Variants in EPS8 observed in about 807,000 individuals in gnomAD.
EPS8 encodes EGFR pathway substrate 8, signaling adaptor.
EPS8 carries 42 observed loss-of-function variants against 103.8 expected under a neutral mutation model. The ratio of observed to expected loss-of-function variants is 0.40; its 90% CI spans 0.32 to 0.52. The LOEUF (loss-of-function observed/expected upper bound fraction) is 0.52, where lower values mean the gene tolerates loss of function less well. Among genes scored for constraint, EPS8 ranks in the 20% least tolerant of loss-of-function variants. EPS8 has a pLI of 0.40. For synonymous variants in EPS8, 344 were observed against 344.6 expected (o/e 1.00, Z 0.02); for missense variants, 969 against 1,005.1 (o/e 0.96, Z 0.49).
rs1242595937 is a variant in EPS8 at position 15,690,989 on chromosome 12, A to G, written c.-21-8017T>C. On this transcript the variant is annotated intron_variant, in intron 1 of 20. Transcript: ENST00000281172. The surrounding 1 kb of genome is among the most constrained non-coding windows in gnomAD (Gnocchi z 4.7). ...CTACACTTGGCTGAATATAAAAAAA[A>G]CAAGCCAGATTGTCAGTAGGTAATC... Among the ~76,000 whole-genome samples the G allele has an allele frequency of 1.3e-5, 2 of 148,670 alleles. No homozygotes were observed. Among genetic ancestry groups the G allele is most frequent in the African/African-American group, 2.5e-5 (1 of 40,668 alleles).
chr12:15,703,030 T>A (rs1173654416), intron 1 of EPS8, among the ~76,000 whole-genome samples: 1 of 152,084 alleles, frequency 6.6e-6, no homozygotes, highest in Non-Finnish European at 1.5e-5. Context: ...GTGCCTGTAG[T>A]CCCAGCTACT....
intron 17 of EPS8, among the ~76,000 whole-genome samples, chr12:15,637,470 C>T (rs1945156013): frequency 6.6e-6 from 1 of 152,228 alleles, no homozygotes; most frequent in Middle Eastern, 3.4e-3. Context: ...TAGTTTCCTA[C>T]AAAAAAATGT....
chr12:15,648,199 C>G (rs914138842), intron 14 of EPS8, among the ~76,000 whole-genome samples: 1 of 152,176 alleles, frequency 6.6e-6, no homozygotes, highest in Non-Finnish European at 1.5e-5. Flanking sequence ...ATAGAGAATA[C>G]ATGCTCAGAT....
chr12:15,622,593 A>G (rs577659682), intron 20 of EPS8, among the ~76,000 whole-genome samples: 1 of 152,276 alleles, frequency 6.6e-6, no homozygotes, highest in Non-Finnish European at 1.5e-5. Context: ...TGGAAGCTTA[A>G]GTATAAAGCA....
chr12:15,661,832 T>C (rs1945610623), intron 9 of EPS8, among the ~76,000 whole-genome samples, 194 bp downstream of exon 9: 1 of 152,184 alleles, frequency 6.6e-6, no homozygotes, highest in Admixed American at 6.5e-5. Context: ...ACTAACTAAA[T>C]ATTGGCATAA....
At chr12:15,628,525 A>G (rs189598413) in intron 18 of EPS8, among the ~76,000 whole-genome samples, 84 of 152,376 alleles carry the variant, frequency 5.5e-4, no homozygotes, top group African/African-American at 1.8e-3. Flanking sequence ...TGGGAGAAAT[A>G]CAAAGCAACT....
intron 3 of EPS8, among the ~76,000 whole-genome samples, chr12:15,674,078 A>T (rs1945861671): frequency 1.3e-5 from 2 of 152,198 alleles, no homozygotes; most frequent in South Asian, 4.1e-4. Context: ...AGAAATACTA[A>T]ATTTAGGTTT....
chr12:15,621,090 G>A lies in EPS8; in HGVS notation c.*227C>T, dbSNP rs1944854418. ...AGGAAACTTCACCTTGGTAAAGTAA[G>A]AAAAATATTTTCCAAGGTCAAAAAA... On this transcript the variant is annotated 3_prime_UTR_variant, in exon 21 of 21. Coordinates refer to ENST00000281172, the MANE Select transcript of EPS8 (RefSeq NM_004447.6). The A allele has an allele frequency of 2.4e-6, 1 of 411,864 alleles. No homozygotes were observed. Among genetic ancestry groups the A allele is most frequent in the Non-Finnish European group, 4.2e-6 (1 of 236,530 alleles). The allele number at this position is 411,864 out of a possible 1,614,324, so 25.5% of individuals were successfully genotyped here. A position where few individuals can be genotyped will look rare whatever the true frequency, so the allele number is the denominator to read the frequency against.
At chr12:15,683,282 A>T (rs1591852998) in intron 1 of EPS8, 1 of 173,494 alleles carries the variant, frequency 5.8e-6, no homozygotes, top group East Asian at 1.5e-4. Context: ...CCAAACTCAT[A>T]ATCAACTATC....
rs1355489061 is a variant in EPS8 at position 15,731,894 on chromosome 12, A to G, written c.-21-48922T>C. Among the ~76,000 whole-genome samples, 4 of 152,100 alleles carry G rather than the reference A, an allele frequency of 2.6e-5. No individual in the cohort carries two copies. Among genetic ancestry groups the G allele is most frequent in the African/African-American group, 9.7e-5 (4 of 41,412 alleles). ...GTAGGCAAAAGGAAGCTGGGTGGTT[A>G]ATCACTATATATATCTGTTCCTTAA... On this transcript the variant is annotated intron_variant, in intron 1 of 20. Transcript: ENST00000281172. This position sits in a 1 kb window ranked among gnomAD's most constrained non-coding sequence, Gnocchi z 5.1.
chr12:15,654,724 C>T (rs917201778), intron 12 of EPS8, among the ~76,000 whole-genome samples: 5 of 151,952 alleles, frequency 3.3e-5, no homozygotes, highest in Admixed American at 6.6e-5. Context: ...ACAATACTAT[C>T]GAGAGTTAAC....
chr12:15,753,204 C>G (rs1350723045), intron 1 of EPS8, among the ~76,000 whole-genome samples: 3 of 152,054 alleles, frequency 2.0e-5, no homozygotes, highest in Admixed American at 6.5e-5. Context: ...GAAACATTAT[C>G]AAGAAAATTC....
rs1946315420 is a variant in EPS8, at chr12:15,701,838, TAAC to T, written c.-21-18869_-21-18867del. Among the ~76,000 whole-genome samples, 1 of 152,180 alleles carries T rather than the reference TAAC, an allele frequency of 6.6e-6. No individual in the cohort carries two copies. The highest frequency in any genetic ancestry group is 2.4e-5 in the African/African-American group (1 of 41,446). Reference sequence around the variant, plus strand: ...TAACATAACATTTCCTTCTTCAAAATAACAAGCAATTAAATGGGATCTTGCTGT... The same window carrying T: ...TAACATAACATTTCCTTCTTCAAAATAAGCAATTAAATGGGATCTTGCTGT... On this transcript the variant is annotated intron_variant, in intron 1 of 20. Transcript: ENST00000281172. The surrounding 1 kb of genome is among the most constrained non-coding windows in gnomAD (Gnocchi z 5.1).
rs745724625 is a variant in EPS8, at chr12:15,778,572, C to G, written c.-22+10589G>C. 6.5e-4 allele frequency among the ~76,000 whole-genome samples: 99 copies of G among 152,124 alleles called. No individual in the cohort carries two copies. The highest frequency in any genetic ancestry group is 2.4e-4 in the Non-Finnish European group (16 of 68,024). ...GAGGTTCTGAGAATACAGATAAACA[C>G]TAAAACAGTAAGGACAACTCAATCT... On this transcript the variant is annotated intron_variant, in intron 1 of 20. Coordinates refer to ENST00000281172, the MANE Select transcript of EPS8 (RefSeq NM_004447.6). This position sits in a 1 kb window ranked among gnomAD's most constrained non-coding sequence, Gnocchi z 4.5.
chr12:15,637,737 G>T (rs1233792673), intron 17 of EPS8, among the ~76,000 whole-genome samples: 1 of 152,182 alleles, frequency 6.6e-6, no homozygotes, highest in East Asian at 1.9e-4. Flanking sequence ...ATCACTGGAT[G>T]AAAGAGACAG....
rs75587128 is a variant in EPS8 at position 15,657,764 on chromosome 12, C to T, written c.1101+315G>A. The T allele has an allele frequency of 8.4e-4, 189 of 224,114 alleles. 2 individuals are homozygous for T. Among genetic ancestry groups the T allele is most frequent in the East Asian group, 7.7e-3 (50 of 6,528 alleles). The allele number at this position is 224,114 out of a possible 1,614,324, so 13.9% of individuals were successfully genotyped here. On this transcript the variant is annotated intron_variant, in intron 12 of 20. Coordinates refer to ENST00000281172, the MANE Select transcript of EPS8 (RefSeq NM_004447.6). The stretch of plus-strand genomic sequence containing the variant: ...TTTGTGAGAATGAGAAAAACATCTA[C>T]GTTATTCAAGGCACTGGATATTATA...
At chr12:15,655,981 A>G (rs1188026952) in intron 12 of EPS8, among the ~76,000 whole-genome samples, 1 of 152,214 alleles carries the variant, frequency 6.6e-6, no homozygotes, top group Non-Finnish European at 1.5e-5. Flanking sequence ...GACCATTAAT[A>G]AGGTGTAATT....
intron 1 of EPS8, among the ~76,000 whole-genome samples, chr12:15,770,058 T>C (rs1435754348): frequency 6.6e-6 from 1 of 151,510 alleles, no homozygotes; most frequent in Non-Finnish European, 1.5e-5. Flanking sequence ...TCCTCTCATA[T>C]CAGCCTCTCA....
chr12:15,653,806 C>T (rs567706738), intron 13 of EPS8, among the ~76,000 whole-genome samples: 15 of 152,314 alleles, frequency 9.8e-5, no homozygotes, highest in South Asian at 8.3e-4. Context: ...TGCGCGCGCG[C>T]GCGCATGTGT....
Sources: allele counts gnomAD v4.1 joint callset (sites outside exome capture counted in the v4.1 genomes callset), GRCh38; gene constraint gnomAD v4.1.1; non-coding constraint Gnocchi (gnomAD v3.1); transcripts MANE v1.5; gene names NCBI Gene and HGNC (gene_info 2026-07-23, HGNC 2026-07-21).